Variants in ARHGEF3 observed in about 807,000 individuals in gnomAD.
The protein encoded by ARHGEF3 is Rho guanine nucleotide exchange factor 3, also known as 59.8 kDA protein.
A neutral mutation model predicts 63.2 loss-of-function variants in ARHGEF3; 28 were observed. The ratio of observed to expected loss-of-function variants is 0.44; its 90% CI spans 0.33 to 0.61. The LOEUF (loss-of-function observed/expected upper bound fraction) is 0.61, where lower values mean the gene tolerates loss of function less well. Ranked by LOEUF, ARHGEF3 falls within the 20% of genes least tolerant of loss-of-function variation. ARHGEF3 has a pLI of 0.03. For missense variants in ARHGEF3, 533 were observed against 659.3 expected (o/e 0.81, Z 2.10); for synonymous variants, 266 against 254.2 (o/e 1.05, Z -0.44).
chr3:56,995,658 A>AGAGAGAGG (rs1342932272), intron 2 of ARHGEF3, among the ~76,000 whole-genome samples: 7 of 130,742 alleles, frequency 5.4e-5, no homozygotes, highest in Non-Finnish European at 1.0e-4. Flanking sequence ...AGAGAGAGAG[A>AGAGAGAGG]GAGAGAGAGA....
intron 3 of ARHGEF3, among the ~76,000 whole-genome samples, chr3:56,911,206 G>A (rs1212202643): frequency 6.6e-6 from 1 of 152,124 alleles, no homozygotes; most frequent in East Asian, 1.9e-4. Context: ...GGCTGGGTGG[G>A]GTCTGTGAGA....
At chr3:56,841,843 A>G (rs903937750) in intron 4 of ARHGEF3, among the ~76,000 whole-genome samples, 1 of 152,212 alleles carries the variant, frequency 6.6e-6, no homozygotes. Flanking sequence ...TACACATACA[A>G]ATTCCCAAAA....
chr3:56,888,091 T>A (rs575919322), intron 3 of ARHGEF3, among the ~76,000 whole-genome samples: 9 of 131,000 alleles, frequency 6.9e-5, no homozygotes, highest in Non-Finnish European at 1.3e-4. Context: ...ATTCTTGTTT[T>A]TCAAATAAGA....
intron 3 of ARHGEF3, among the ~76,000 whole-genome samples, chr3:56,913,855 C>A (rs1016516391): frequency 3.3e-5 from 5 of 152,200 alleles, no homozygotes; most frequent in African/African-American, 1.2e-4. Flanking sequence ...TATAGCAACA[C>A]AATTCGCAAC....
chr3:56,976,945 G>A (rs1701147087), intron 2 of ARHGEF3, among the ~76,000 whole-genome samples: 1 of 152,092 alleles, frequency 6.6e-6, no homozygotes, highest in Non-Finnish European at 1.5e-5. Flanking sequence ...TGGCGGGTAT[G>A]AGGTAATTCT....
intron 1 of ARHGEF3, among the ~76,000 whole-genome samples, chr3:56,786,961 A>G (rs944324268): frequency 6.5e-4 from 99 of 152,216 alleles, no homozygotes; most frequent in African/African-American, 2.3e-3. Flanking sequence ...GATGTCAATA[A>G]AAGTTTCCAG....
intron 4 of ARHGEF3, among the ~76,000 whole-genome samples, chr3:56,821,335 G>A (rs761622722): frequency 2.0e-5 from 3 of 152,122 alleles, no homozygotes; most frequent in Non-Finnish European, 4.4e-5. Flanking sequence ...GTGACCAGGT[G>A]CTAATTATAC....
At chr3:57,009,345 C>T (rs566632606) in intron 2 of ARHGEF3, among the ~76,000 whole-genome samples, 37 of 152,342 alleles carry the variant, frequency 2.4e-4, no homozygotes, top group Non-Finnish European at 4.6e-4. Context: ...AATTCTGACA[C>T]TGCTCATGCA....
chr3:56,900,656 AC>A (rs1276410015), intron 3 of ARHGEF3, among the ~76,000 whole-genome samples: 1 of 152,182 alleles, frequency 6.6e-6, no homozygotes, highest in Non-Finnish European at 1.5e-5. Flanking sequence ...CAACGGTTAA[AC>A]CTAGATATTT....
chr3:56,750,870 A>C (rs2034698193), intron 6 of ARHGEF3, among the ~76,000 whole-genome samples, 186 bp downstream of exon 6: 1 of 151,922 alleles, frequency 6.6e-6, no homozygotes, highest in Non-Finnish European at 1.5e-5. Flanking sequence ...TAAGAAAAAA[A>C]CTATTTTCAT....
At chr3:56,808,811 T>G (rs1439523131) in intron 4 of ARHGEF3, among the ~76,000 whole-genome samples, 1 of 152,174 alleles carries the variant, frequency 6.6e-6, no homozygotes, top group African/African-American at 2.4e-5. Flanking sequence ...TGATTGTCAG[T>G]GGACAAGGCC....
intron 3 of ARHGEF3, among the ~76,000 whole-genome samples, chr3:56,920,376 A>G (rs2042094326): frequency 6.6e-6 from 1 of 152,216 alleles, no homozygotes; most frequent in Non-Finnish European, 1.5e-5. Flanking sequence ...TCATGGTATC[A>G]CTAGAACCAG....
chr3:56,864,434 T>C (rs1369023146), intron 4 of ARHGEF3, among the ~76,000 whole-genome samples: 1 of 152,250 alleles, frequency 6.6e-6, no homozygotes, highest in Non-Finnish European at 1.5e-5. Flanking sequence ...CAGAAAAGGC[T>C]TCCTTGGCCT....
At chr3:56,901,478 C>A (rs1376172046) in intron 3 of ARHGEF3, among the ~76,000 whole-genome samples, 1 of 151,428 alleles carries the variant, frequency 6.6e-6, no homozygotes, top group Non-Finnish European at 1.5e-5. Flanking sequence ...TCTCATTATT[C>A]ATAGTAGTAT....
At chr3:56,744,002 CAA>C (rs781545405) in intron 7 of ARHGEF3, among the ~76,000 whole-genome samples, 1 of 147,604 alleles carries the variant, frequency 6.8e-6, no homozygotes, top group Non-Finnish European at 1.5e-5. Flanking sequence ...AACCAACAAA[CAA>C]AAAAAAAACT....
chr3:57,015,308 A>G (rs1702945534), intron 2 of ARHGEF3, among the ~76,000 whole-genome samples: 1 of 152,072 alleles, frequency 6.6e-6, no homozygotes, highest in Non-Finnish European at 1.5e-5. Context: ...ACATGTCTCT[A>G]CTTGTTTTGC....
At chr3:57,007,211 G>T in intron 2 of ARHGEF3, 4 of 1,288,600 alleles carry the variant, frequency 3.1e-6, no homozygotes, top group Non-Finnish European at 4.0e-6. Context: ...TGGAATCTTA[G>T]GAGTCGAAGG....
chr3:56,926,207 G>C (rs920413445), intron 3 of ARHGEF3, among the ~76,000 whole-genome samples: 3 of 152,182 alleles, frequency 2.0e-5, no homozygotes, highest in Admixed American at 6.5e-5. Flanking sequence ...CTGAGGAGAG[G>C]GGGGTCAGCG....
intron 3 of ARHGEF3, among the ~76,000 whole-genome samples, chr3:56,904,203 T>C (rs988660726): frequency 2.0e-5 from 3 of 151,984 alleles, no homozygotes; most frequent in African/African-American, 7.2e-5. Flanking sequence ...CTAACTTTTG[T>C]ATTTTCTTTG....
Sources: allele counts gnomAD v4.1 joint callset (sites outside exome capture counted in the v4.1 genomes callset), GRCh38; gene constraint gnomAD v4.1.1; transcripts MANE v1.5; gene names NCBI Gene and HGNC (gene_info 2026-07-23, HGNC 2026-07-21).